Variants in RHOBTB3 observed in about 807,000 individuals in gnomAD.
RHOBTB3 encodes the protein Rho related BTB domain containing 3.
Under a neutral mutation model 67.2 loss-of-function variants are expected in RHOBTB3, and 47 were observed. That is an observed-to-expected ratio of 0.70 (90% confidence interval 0.55 to 0.89). The LOEUF is 0.89. Ranked by LOEUF, RHOBTB3 falls within the 40% of genes least tolerant of loss-of-function variation. The pLI is 0.00. For missense variants in RHOBTB3, 631 were observed against 750.0 expected (o/e 0.84, Z 1.85); for synonymous variants, 273 against 274.2 (o/e 1.00, Z 0.04).
intron 2 of RHOBTB3, among the ~76,000 whole-genome samples, chr5:95,733,130 A>T (rs1275713892): frequency 1.3e-5 from 2 of 152,230 alleles, no homozygotes; most frequent in South Asian, 2.1e-4. Flanking sequence ...AACAGAACGA[A>T]AAGATCACTC....
At chr5:95,744,411 A>G (rs965303547) in intron 3 of RHOBTB3, among the ~76,000 whole-genome samples, 4 of 151,986 alleles carry the variant, frequency 2.6e-5, no homozygotes, top group African/African-American at 9.7e-5. Flanking sequence ...ATGTTATATT[A>G]TAACTGTTTG....
chr5:95,733,902 A>G (rs1755380861), intron 2 of RHOBTB3, among the ~76,000 whole-genome samples: 2 of 152,218 alleles, frequency 1.3e-5, no homozygotes, highest in African/African-American at 4.8e-5. Flanking sequence ...TATCAAAAGG[A>G]TCTGATTTCA....
At chr5:95,731,059 G>A, upstream of RHOBTB3, 1 of 1,087,838 alleles carries the variant, frequency 9.2e-7, no homozygotes, top group Non-Finnish European at 1.2e-6. Flanking sequence ...GGCCTTGCGA[G>A]TTGAACAAAC....
At chr5:95,772,576 A>G (rs1745749003) in intron 8 of RHOBTB3, among the ~76,000 whole-genome samples, 1 of 152,068 alleles carries the variant, frequency 6.6e-6, no homozygotes, top group African/African-American at 2.4e-5. Flanking sequence ...ATTTTGGGTT[A>G]TTCTCTAAAT....
upstream of RHOBTB3, chr5:95,730,787 C>T (rs2112763325): frequency 2.3e-6 from 1 of 428,838 alleles, no homozygotes; most frequent in South Asian, 1.6e-5. Context: ...GGTGTGTGAA[C>T]AAAGAACTCT....
In RHOBTB3 at chr5:95,731,451, C is replaced by T; in HGVS notation, c.-232C>T. On this transcript the variant is annotated 5_prime_UTR_variant, in exon 1 of 12. Coordinates refer to ENST00000379982, the MANE Select transcript of RHOBTB3 (RefSeq NM_014899.4). ...GCCCGGCGATGTTCCCGGGCACTCCCTGAGTAGCGGCAGCTTATCCCCCGC... is the reference window on the plus strand; with the variant it reads ...GCCCGGCGATGTTCCCGGGCACTCCTTGAGTAGCGGCAGCTTATCCCCCGC... 8.2e-7 allele frequency: 1 copy of T among 1,212,224 alleles called. No homozygotes were observed. 75.1% of individuals were successfully genotyped at this position (1,212,224 alleles called of 1,614,324 possible). A position where few individuals can be genotyped will look rare whatever the true frequency, so the allele number is the denominator to read the frequency against.
At position 95,793,232 on chromosome 5, in the gene RHOBTB3, CA is replaced by C; in HGVS notation, c.*59del. 8.8e-7 allele frequency: 1 copy of C among 1,132,226 alleles called. No individual in the cohort carries two copies. Among genetic ancestry groups the C allele is most frequent in the Non-Finnish European group, 1.3e-6 (1 of 780,766 alleles). The allele number at this position is 1,132,226 out of a possible 1,614,324, so 70.1% of individuals were successfully genotyped here. A position where few individuals can be genotyped will look rare whatever the true frequency, so the allele number is the denominator to read the frequency against. ...ATTATTATGAAGAATGGGATACCTCCAGGTTCCAGTAAAATTCTTCTGACCG... is the reference window on the plus strand; with the variant it reads ...ATTATTATGAAGAATGGGATACCTCCGGTTCCAGTAAAATTCTTCTGACCG... On this transcript the variant is annotated 3_prime_UTR_variant, in exon 12 of 12. Transcript: ENST00000379982.
intron 4 of RHOBTB3, among the ~76,000 whole-genome samples, chr5:95,748,798 T>C (rs1308631502): frequency 1.3e-5 from 2 of 152,242 alleles, no homozygotes; most frequent in Non-Finnish European, 2.9e-5. Context: ...TTAATAGTCA[T>C]CTTTATACAG....
rs1746516211 is a variant in RHOBTB3 at position 95,794,560 on chromosome 5, A to T, written c.*1386A>T. On this transcript the variant is annotated 3_prime_UTR_variant, in exon 12 of 12. Transcript: ENST00000379982. ...GACAGACTGATAGTTTCTTTCTTTC[A>T]TATCACATGTATAGAGAAATAATTA... 6.5e-6 allele frequency: 1 copy of T among 153,124 alleles called. No homozygotes were observed. Among genetic ancestry groups the T allele is most frequent in the Non-Finnish European group, 1.5e-5 (1 of 68,618 alleles). 9.5% of individuals were successfully genotyped at this position (153,124 alleles called of 1,614,324 possible).
chr5:95,781,105 T>A (rs1746033855), intron 9 of RHOBTB3, among the ~76,000 whole-genome samples: 1 of 152,208 alleles, frequency 6.6e-6, no homozygotes, highest in African/African-American at 2.4e-5. Context: ...AGGGTTCTTC[T>A]AGCTGGAGGC....
chr5:95,761,124 G>A (rs1242207416), intron 6 of RHOBTB3, among the ~76,000 whole-genome samples: 1 of 152,104 alleles, frequency 6.6e-6, no homozygotes, highest in Non-Finnish European at 1.5e-5. Flanking sequence ...TCTTCTGAAT[G>A]GAGATATTTT....
chr5:95,736,572 A>G (rs1755459101), intron 2 of RHOBTB3, among the ~76,000 whole-genome samples: 1 of 152,196 alleles, frequency 6.6e-6, no homozygotes, highest in South Asian at 2.1e-4. Flanking sequence ...TTTTGAATTT[A>G]TGAGGTGATA....
chr5:95,767,976 C>G, intron 7 of RHOBTB3, 70 bp from the exon 8 acceptor site: 1 of 1,464,812 alleles, frequency 6.8e-7, no homozygotes, highest in Non-Finnish European at 9.6e-7. Context: ...TTTCCAAATT[C>G]CTAGCCTAGC....
chr5:95,782,449 A>G (rs1246698277), intron 9 of RHOBTB3: 3 of 152,166 alleles, frequency 2.0e-5, no homozygotes, highest in African/African-American at 7.2e-5. Context: ...TGTTCTGGAG[A>G]TGGTGGTGGT....
In RHOBTB3 at chr5:95,741,103, T is replaced by C. The variant is rs190591955; in HGVS notation, c.415+4028T>C. ...CAGCACTTTGGGAGGCCGACGCGGG[T>C]GGATCATGAGGTCAGGAGATCGAGA... On this transcript the variant is annotated intron_variant, in intron 3 of 11. Coordinates refer to ENST00000379982, the MANE Select transcript of RHOBTB3 (RefSeq NM_014899.4). Among the ~76,000 whole-genome samples, 445 of 151,926 alleles carry C rather than the reference T, an allele frequency of 2.9e-3. 4 individuals are homozygous for C. The highest frequency in any genetic ancestry group is 0.01 in the African/African-American group (426 of 41,458).
chr5:95,741,653 C>G (rs1222450704), intron 3 of RHOBTB3, among the ~76,000 whole-genome samples: 1 of 150,730 alleles, frequency 6.6e-6, no homozygotes, highest in Non-Finnish European at 1.5e-5. Flanking sequence ...ATGACCACAT[C>G]TGCCTTCTAA....
intron 2 of RHOBTB3, 62 bp from the exon 3 acceptor site, chr5:95,736,827 A>G (rs572219534): frequency 8.9e-6 from 10 of 1,120,268 alleles, no homozygotes; most frequent in East Asian, 5.3e-5. Context: ...AATGTCATAA[A>G]TTATTTCAGG....
At chr5:95,757,715 T>A (rs1230631878) in intron 6 of RHOBTB3, among the ~76,000 whole-genome samples, 1 of 152,240 alleles carries the variant, frequency 6.6e-6, no homozygotes, top group Admixed American at 6.5e-5. Flanking sequence ...GGTGCTAGGT[T>A]AGTGAAATAT....
intron 7 of RHOBTB3, among the ~76,000 whole-genome samples, chr5:95,765,807 G>A (rs1277326291): frequency 2.6e-5 from 4 of 152,052 alleles, no homozygotes; most frequent in South Asian, 2.1e-4. Flanking sequence ...GACTACAGGC[G>A]CCCGCCACCA....
Sources: gnomAD v4.1 joint callset for allele counts (sites outside exome capture counted in the v4.1 genomes callset) on GRCh38, gnomAD v4.1.1 for gene constraint, MANE v1.5 for transcripts, NCBI Gene and HGNC (gene_info 2026-07-23, HGNC 2026-07-21) for gene names.